The following NAALADL2 variants were observed in gnomAD, a reference collection of about 807,000 sequenced individuals.
NAALADL2 encodes inactive N-acetylated-alpha-linked acidic dipeptidase-like protein 2.
NAALADL2 carries 76 observed loss-of-function variants against 87.2 expected under a neutral mutation model. The observed-to-expected ratio is 0.87, with a 90% confidence interval of 0.72 to 1.05. The LOEUF (loss-of-function observed/expected upper bound fraction) is 1.05. Among genes scored for constraint, NAALADL2 ranks in the 50% least tolerant of loss-of-function variants. The pLI, the probability that NAALADL2 is intolerant of heterozygous loss-of-function variation, is 0.00. For missense variants in NAALADL2, 1,089 were observed against 945.8 expected (o/e 1.15, Z -1.99); for synonymous variants, 354 against 331.0 (o/e 1.07, Z -0.75).
chr3:175,783,153 T>C (rs962502460), intron 13 of NAALADL2, among the ~76,000 whole-genome samples: 38 of 152,190 alleles, frequency 2.5e-4, no homozygotes, highest in African/African-American at 9.2e-4. Context: ...GCCTCCAGCT[T>C]TGTTCTTTTG....
chr3:175,764,671 A>ACTT (rs1217335927), intron 13 of NAALADL2, among the ~76,000 whole-genome samples: 1 of 152,118 alleles, frequency 6.6e-6, no homozygotes, highest in Non-Finnish European at 1.5e-5. Flanking sequence ...AGCTCCCAAA[A>ACTT]CTTTGCTTTT....
At chr3:174,910,366 T>G (rs1579479579) in intron 1 of NAALADL2, among the ~76,000 whole-genome samples, 1 of 152,240 alleles carries the variant, frequency 6.6e-6, no homozygotes, top group African/African-American at 2.4e-5. Flanking sequence ...AAATTTGTTA[T>G]CCTTTTTTCC....
intron 1 of NAALADL2, among the ~76,000 whole-genome samples, chr3:174,873,646 A>G (rs16865410): frequency 0.12 from 17,778 of 152,010 alleles, 1,153 homozygotes; most frequent in Middle Eastern, 0.15. Context: ...TACATCAGTC[A>G]TGGCATTTAG....
chr3:174,537,648 G>A (rs1438722582), intron 1 of NAALADL2, among the ~76,000 whole-genome samples: 1 of 152,122 alleles, frequency 6.6e-6, no homozygotes, highest in Non-Finnish European at 1.5e-5. Context: ...GAAATGATGT[G>A]GGCACCTAAG....
At chr3:174,879,930 G>T (rs7627074) in intron 1 of NAALADL2, among the ~76,000 whole-genome samples, 4,973 of 152,048 alleles carry the variant, frequency 0.033, 141 homozygotes, top group African/African-American at 0.077. Flanking sequence ...GACAGTATTG[G>T]TTACTTCATC....
At chr3:174,702,524 T>G (rs1056524679) in intron 2 of NAALADL2, among the ~76,000 whole-genome samples, 19 of 152,198 alleles carry the variant, frequency 1.2e-4, no homozygotes, top group Non-Finnish European at 7.3e-5. Context: ...TTGGGATACA[T>G]TCTAAGAAAT....
At chr3:174,469,041 G>A (rs1012795954) in intron 1 of NAALADL2, among the ~76,000 whole-genome samples, 2 of 152,210 alleles carry the variant, frequency 1.3e-5, no homozygotes, top group South Asian at 4.1e-4. Context: ...GGGATTACAG[G>A]CGTGAGCCAC....
intron 12 of NAALADL2, among the ~76,000 whole-genome samples, chr3:175,750,251 A>G (rs1402974088): frequency 6.6e-6 from 1 of 152,140 alleles, no homozygotes; most frequent in African/African-American, 2.4e-5. Flanking sequence ...GCAGGATGCT[A>G]CAGGATGATC....
intron 1 of NAALADL2, among the ~76,000 whole-genome samples, chr3:174,872,746 A>T (rs1727996348): frequency 6.6e-6 from 1 of 152,046 alleles, no homozygotes. Flanking sequence ...ACACACACAC[A>T]CACACACACA....
At chr3:175,795,559 T>C (rs1576856427) in intron 13 of NAALADL2, among the ~76,000 whole-genome samples, 1 of 150,846 alleles carries the variant, frequency 6.6e-6, no homozygotes, top group Non-Finnish European at 1.5e-5. Flanking sequence ...GGCGGGTGCC[T>C]GTAGTCCCAG....
At chr3:175,428,190 C>A (rs552850831) in intron 5 of NAALADL2, among the ~76,000 whole-genome samples, 11 of 152,152 alleles carry the variant, frequency 7.2e-5, no homozygotes, top group Non-Finnish European at 1.3e-4. Context: ...TACTTGATGG[C>A]ATACAGCTTG....
At chr3:175,198,695 C>T (rs1210695538) in intron 2 of NAALADL2, among the ~76,000 whole-genome samples, 2 of 151,860 alleles carry the variant, frequency 1.3e-5, no homozygotes, top group East Asian at 3.9e-4. Context: ...CCACAGCTTT[C>T]TAGGCTGAAA....
At chr3:174,823,711 T>G (rs577754983) in intron 3 of NAALADL2, among the ~76,000 whole-genome samples, 117 of 152,312 alleles carry the variant, frequency 7.7e-4, no homozygotes, top group Middle Eastern at 6.8e-3. Flanking sequence ...AATATTAGTT[T>G]GGAATCTGCT....
At chr3:175,626,342 T>C (rs2149713187) in intron 10 of NAALADL2, among the ~76,000 whole-genome samples, 1 of 152,104 alleles carries the variant, frequency 6.6e-6, no homozygotes, top group Non-Finnish European at 1.5e-5. Flanking sequence ...TATGTCCATG[T>C]CAATGTTATC....
intron 2 of NAALADL2, among the ~76,000 whole-genome samples, chr3:174,620,405 TGAA>T (rs1180953923): frequency 6.6e-6 from 1 of 152,018 alleles, no homozygotes; most frequent in African/African-American, 2.4e-5. Context: ...GGATATTACA[TGAA>T]CTACTTTCAG....
chr3:175,222,571 G>A (rs1743545340), intron 2 of NAALADL2, among the ~76,000 whole-genome samples: 1 of 152,116 alleles, frequency 6.6e-6, no homozygotes, highest in Non-Finnish European at 1.5e-5. Flanking sequence ...GTGTCATTCA[G>A]TGTATTCTTA....
intron 1 of NAALADL2, among the ~76,000 whole-genome samples, chr3:175,041,781 A>G (rs1754099913): frequency 6.6e-6 from 1 of 152,058 alleles, no homozygotes; most frequent in African/African-American, 2.4e-5. Flanking sequence ...TTTATATTTC[A>G]GCTTTATTGA....
At chr3:175,155,537 A>G (rs1177506016) in intron 2 of NAALADL2, among the ~76,000 whole-genome samples, 1 of 152,124 alleles carries the variant, frequency 6.6e-6, no homozygotes, top group Non-Finnish European at 1.5e-5. Flanking sequence ...GAATTAATTC[A>G]TGGTACTTTA....
intron 9 of NAALADL2, among the ~76,000 whole-genome samples, chr3:175,474,478 G>A (rs771170815): frequency 6.6e-6 from 1 of 152,106 alleles, no homozygotes. Flanking sequence ...ACAGTATCTG[G>A]TCTATCAGAC....
Sources: gnomAD v4.1 joint callset for allele counts (sites outside exome capture counted in the v4.1 genomes callset) on GRCh38, gnomAD v4.1.1 for gene constraint, MANE v1.5 for transcripts, NCBI Gene and HGNC (gene_info 2026-07-23, HGNC 2026-07-21) for gene names.